Variants in CNTN4 observed in about 807,000 individuals in gnomAD.
CNTN4 encodes the protein contactin 4.
A neutral mutation model predicts 122.5 loss-of-function variants in CNTN4; 77 were observed. The ratio of observed to expected loss-of-function variants is 0.63; its 90% CI spans 0.52 to 0.76. CNTN4 has a LOEUF of 0.76. Among genes scored for constraint, CNTN4 ranks in the 30% least tolerant of loss-of-function variants. CNTN4 has a pLI of 0.00. For synonymous variants in CNTN4, 512 were observed against 447.0 expected (o/e 1.15, Z -1.83); for missense variants, 1,256 against 1,259.1 (o/e 1.00, Z 0.04).
chr3:2,253,788 T>A (rs2040468466), intron 2 of CNTN4, among the ~76,000 whole-genome samples: 1 of 152,158 alleles, frequency 6.6e-6, no homozygotes, highest in Non-Finnish European at 1.5e-5. Flanking sequence ...ATTACTGGCA[T>A]GAGCCACCAC....
At chr3:2,454,825 AT>A (rs1272991093) in intron 3 of CNTN4, among the ~76,000 whole-genome samples, 1 of 152,210 alleles carries the variant, frequency 6.6e-6, no homozygotes, top group Non-Finnish European at 1.5e-5. Flanking sequence ...ATGTGTGAAT[AT>A]TTTTAAAAAC....
At chr3:2,444,584 G>C (rs961276370) in intron 3 of CNTN4, among the ~76,000 whole-genome samples, 15 of 152,184 alleles carry the variant, frequency 9.9e-5, no homozygotes, top group Non-Finnish European at 1.5e-4. Flanking sequence ...ATAGAGCCTT[G>C]TTGGGTGACA....
chr3:2,968,044 T>C (rs190385777), intron 13 of CNTN4, among the ~76,000 whole-genome samples: 2 of 152,284 alleles, frequency 1.3e-5, no homozygotes, highest in Admixed American at 1.3e-4. Context: ...GCCTTCAGGC[T>C]TCTGTTCAGA....
intron 3 of CNTN4, among the ~76,000 whole-genome samples, chr3:2,355,848 T>C (rs968282173): frequency 1.3e-5 from 2 of 152,180 alleles, no homozygotes; most frequent in African/African-American, 4.8e-5. Flanking sequence ...AACCCAAAGA[T>C]TTTTAAAATA....
At chr3:3,013,922 G>A (rs1169145557) in intron 14 of CNTN4, among the ~76,000 whole-genome samples, 4 of 151,980 alleles carry the variant, frequency 2.6e-5, no homozygotes, top group African/African-American at 9.7e-5. Flanking sequence ...TATAACCTAG[G>A]CTTGGGTCTT....
At chr3:2,586,201 C>G (rs995584143) in intron 4 of CNTN4, among the ~76,000 whole-genome samples, 2 of 152,136 alleles carry the variant, frequency 1.3e-5, no homozygotes, top group Non-Finnish European at 2.9e-5. Context: ...CTACTTTGTC[C>G]TAGTCAACCT....
At chr3:2,840,464 G>T (rs1384152939) in intron 7 of CNTN4, among the ~76,000 whole-genome samples, 3 of 150,120 alleles carry the variant, frequency 2.0e-5, no homozygotes, top group African/African-American at 2.4e-5. Context: ...ACTTTGGGAG[G>T]CCGAGGCGGG....
At chr3:2,593,810 A>G (rs1167316259) in intron 4 of CNTN4, among the ~76,000 whole-genome samples, 1 of 152,180 alleles carries the variant, frequency 6.6e-6, no homozygotes, top group Non-Finnish European at 1.5e-5. Flanking sequence ...AAAGAAGAGA[A>G]GTGGAGGCTA....
At chr3:2,511,467 TTGA>T (rs2149075340) in intron 3 of CNTN4, 1 of 152,352 alleles carries the variant, frequency 6.6e-6, no homozygotes, top group East Asian at 1.9e-4. Flanking sequence ...TGGGTCCTCC[TTGA>T]TGAATGCTGG....
chr3:2,333,282 C>A (rs1406193547), intron 2 of CNTN4, among the ~76,000 whole-genome samples: 1 of 152,232 alleles, frequency 6.6e-6, no homozygotes, highest in African/African-American at 2.4e-5. Context: ...CATAGCTCTT[C>A]AAGGCAGGTT....
At chr3:2,596,988 C>A (rs2080800766) in intron 4 of CNTN4, among the ~76,000 whole-genome samples, 2 of 152,028 alleles carry the variant, frequency 1.3e-5, no homozygotes, top group South Asian at 4.2e-4. Context: ...GTTTCTCTGG[C>A]TTCTGCACAT....
intron 8 of CNTN4, chr3:2,882,812 ATAATT>A (rs1449369522): frequency 1.1e-5 from 3 of 282,952 alleles, no homozygotes; most frequent in Non-Finnish European, 2.1e-5. Flanking sequence ...TTCCAAAGAG[ATAATT>A]TAATTTTCCT....
At chr3:2,727,156 AGCC>A (rs1354768350) in intron 4 of CNTN4, among the ~76,000 whole-genome samples, 1 of 152,180 alleles carries the variant, frequency 6.6e-6, no homozygotes, top group Admixed American at 6.5e-5. Context: ...TCGGATCAGA[AGCC>A]ATTTGGGTCA....
chr3:2,140,716 G>T (rs1238191799), intron 2 of CNTN4, among the ~76,000 whole-genome samples: 2 of 152,176 alleles, frequency 1.3e-5, no homozygotes, highest in Non-Finnish European at 2.9e-5. Flanking sequence ...GGCCAATTAA[G>T]AACTAGGTAT....
At position 2,818,552 on chromosome 3, in the gene CNTN4, G is replaced by C. The variant is rs544838032; in HGVS notation, c.359-934G>C. 2.6e-5 allele frequency among the ~76,000 whole-genome samples: 4 copies of C among 152,252 alleles called. No homozygotes were observed. In the East Asian group the frequency reaches 7.7e-4, roughly 29 times the overall value. On this transcript the variant is annotated intron_variant, in intron 6 of 24. Transcript: ENST00000418658. The stretch of plus-strand genomic sequence containing the variant: ...AAATGTTATTAAATCAAATGTAATA[G>C]ACAACAAAAAACGAAATGGCACTTA...
chr3:2,758,423 C>T (rs1576679742), intron 6 of CNTN4, among the ~76,000 whole-genome samples: 1 of 151,820 alleles, frequency 6.6e-6, no homozygotes, highest in Non-Finnish European at 1.5e-5. Flanking sequence ...TTAGGAAGAG[C>T]CCTCCAATAA....
chr3:2,596,883 ATCT>A (rs2080794654), intron 4 of CNTN4, among the ~76,000 whole-genome samples: 1 of 152,282 alleles, frequency 6.6e-6, no homozygotes, highest in Admixed American at 6.5e-5. Context: ...CTGGCTACTT[ATCT>A]TATTGTCAAC....
chr3:2,142,843 A>G (rs974443773), intron 2 of CNTN4, among the ~76,000 whole-genome samples: 1 of 152,200 alleles, frequency 6.6e-6, no homozygotes, highest in African/African-American at 2.4e-5. Flanking sequence ...AGATCTTGAG[A>G]GAGAATTAAG....
At chr3:2,196,662 C>T (rs1054502339) in intron 2 of CNTN4, among the ~76,000 whole-genome samples, 4 of 152,028 alleles carry the variant, frequency 2.6e-5, no homozygotes, top group Non-Finnish European at 5.9e-5. Context: ...GCTGGAAGGC[C>T]GTTGGCTTTG....
Sources: allele counts gnomAD v4.1 joint callset (sites outside exome capture counted in the v4.1 genomes callset), GRCh38; gene constraint gnomAD v4.1.1; transcripts MANE v1.5; gene names NCBI Gene and HGNC (gene_info 2026-07-23, HGNC 2026-07-21).